RNF216: variants seen among roughly 807,000 people sequenced by gnomAD.
The protein encoded by RNF216 is ring finger protein 216, also known as E3 ubiquitin-protein ligase RNF216.
Under a neutral mutation model 110.8 loss-of-function variants are expected in RNF216, and 72 were observed. That is an observed-to-expected ratio of 0.65 (90% CI 0.54 to 0.79). The LOEUF is 0.79. Ranked by LOEUF, RNF216 falls within the 30% of genes least tolerant of loss-of-function variation. RNF216 has a pLI of 0.00. For missense variants in RNF216, 1,342 were observed against 1,141.2 expected, an observed-to-expected ratio of 1.18 and a Z score of -2.54; for synonymous variants, 495 against 407.5, an observed-to-expected ratio of 1.21 and a Z score of -2.59.
At chr7:5,742,788 GT>G (rs1297271366) in intron 3 of RNF216, among the ~76,000 whole-genome samples, 2 of 151,710 alleles carry the variant, frequency 1.3e-5, no homozygotes, top group Non-Finnish European at 2.9e-5. Context: ...TAGAGACAGG[GT>G]TTTGCCATGT....
chr7:5,691,383 G>C (rs776665537), intron 13 of RNF216, among the ~76,000 whole-genome samples: 2 of 152,164 alleles, frequency 1.3e-5, no homozygotes, highest in Non-Finnish European at 2.9e-5. Context: ...ATTGCTCCTG[G>C]CTGGATTGCT....
intron 13 of RNF216, among the ~76,000 whole-genome samples, chr7:5,702,486 T>C (rs1792032374): frequency 6.6e-6 from 1 of 152,144 alleles, no homozygotes; most frequent in Non-Finnish European, 1.5e-5. Context: ...GAATAATCAC[T>C]GAAACAGCAA....
intron 7 of RNF216, among the ~76,000 whole-genome samples, chr7:5,729,126 T>C (rs1793933756): frequency 1.3e-5 from 2 of 152,166 alleles, no homozygotes; most frequent in Non-Finnish European, 2.9e-5. Flanking sequence ...CTGTCCCAAG[T>C]TGGAAAGCAA....
At chr7:5,739,021 T>C (rs998124207) in intron 5 of RNF216, among the ~76,000 whole-genome samples, 9 of 152,180 alleles carry the variant, frequency 5.9e-5, no homozygotes, top group Non-Finnish European at 1.0e-4. Context: ...CAAATCCATA[T>C]AGAAAGAAAG....
intron 5 of RNF216, among the ~76,000 whole-genome samples, chr7:5,735,011 C>T (rs1391136788): frequency 1.3e-5 from 2 of 151,188 alleles, no homozygotes; most frequent in African/African-American, 2.4e-5. Context: ...ACTAGCTGGG[C>T]GGTGGGCACC....
chr7:5,718,305 C>T (rs1447923892), intron 9 of RNF216, among the ~76,000 whole-genome samples: 2 of 152,052 alleles, frequency 1.3e-5, no homozygotes, highest in African/African-American at 4.8e-5. Context: ...CCCTTGAACC[C>T]AGGAGTCAGA....
chr7:5,743,484 C>T (rs914273294), intron 3 of RNF216, among the ~76,000 whole-genome samples: 2 of 151,920 alleles, frequency 1.3e-5, no homozygotes, highest in African/African-American at 2.4e-5. Flanking sequence ...CTGACCCCTA[C>T]CAAAAAAAGA....
chr7:5,765,883 G>A (rs1411666696), intron 1 of RNF216, among the ~76,000 whole-genome samples: 2 of 150,032 alleles, frequency 1.3e-5, no homozygotes, highest in African/African-American at 4.9e-5. Flanking sequence ...AACCCGGGAG[G>A]CAGAGGTTGC....
intron 13 of RNF216, among the ~76,000 whole-genome samples, chr7:5,658,060 G>C (rs1425589763): frequency 2.0e-5 from 3 of 152,240 alleles, no homozygotes; most frequent in African/African-American, 7.2e-5. Flanking sequence ...ACACACGGCA[G>C]GGGAGCATGC....
At chr7:5,720,939 G>A (rs981009743) in intron 9 of RNF216, 94 bp downstream of exon 9, 13 of 1,245,930 alleles carry the variant, frequency 1.0e-5, no homozygotes, top group Non-Finnish European at 1.4e-5. Context: ...CTGAAGAAAA[G>A]GGAAATCTTA....
chr7:5,629,919 G>A (rs1786966623), intron 15 of RNF216, among the ~76,000 whole-genome samples: 2 of 151,782 alleles, frequency 1.3e-5, no homozygotes, highest in Admixed American at 6.6e-5. Context: ...GATACTTCTT[G>A]GACTTGGGAT....
rs548798477 is a variant in RNF216, at chr7:5,633,521, G to A, written c.2382+7633C>T. Reference sequence around the variant, plus strand: ...ACCCAGTAGGTTCAGGCTGCAGTGAGCCGAGATCACATCACTGCACTCCAG... The same window carrying A: ...ACCCAGTAGGTTCAGGCTGCAGTGAACCGAGATCACATCACTGCACTCCAG... On this transcript the variant is annotated intron_variant, in intron 15 of 16. Coordinates refer to ENST00000389902, the MANE Select transcript of RNF216 (RefSeq NM_207111.4). Among the ~76,000 whole-genome samples the A allele has an allele frequency of 6.6e-5, 10 of 152,242 alleles. No homozygotes were observed. The South Asian group carries it at 1.4e-3, about 22-fold the overall frequency.
chr7:5,727,457 G>C (rs558036921), intron 7 of RNF216, among the ~76,000 whole-genome samples: 3 of 152,272 alleles, frequency 2.0e-5, no homozygotes, highest in African/African-American at 7.2e-5. Context: ...AATAACATAG[G>C]CTGGGCATGG....
intron 1 of RNF216, among the ~76,000 whole-genome samples, chr7:5,764,647 C>CA (rs5882067): frequency 7.8e-4 from 103 of 132,844 alleles, no homozygotes; most frequent in East Asian, 3.3e-3. Flanking sequence ...GACACCGTCT[C>CA]AAAAAAAAAA....
At chr7:5,662,851 C>G (rs974832144) in intron 13 of RNF216, among the ~76,000 whole-genome samples, 2 of 152,006 alleles carry the variant, frequency 1.3e-5, no homozygotes, top group Non-Finnish European at 2.9e-5. Context: ...TTGTGTAGAG[C>G]TGGCACTTCT....
intron 7 of RNF216, among the ~76,000 whole-genome samples, chr7:5,728,240 G>C (rs1265776092): frequency 6.6e-6 from 1 of 152,050 alleles, no homozygotes; most frequent in East Asian, 1.9e-4. Flanking sequence ...TCTACCTTAG[G>C]TTGCCTCCCG....
chr7:5,731,186 A>C (rs966542401), intron 5 of RNF216, among the ~76,000 whole-genome samples: 12 of 152,266 alleles, frequency 7.9e-5, no homozygotes, highest in African/African-American at 2.9e-4. Context: ...ATGAACAAGT[A>C]AGAAGTGGAA....
At chr7:5,654,726 G>A (rs1337715598) in intron 13 of RNF216, among the ~76,000 whole-genome samples, 2 of 143,646 alleles carry the variant, frequency 1.4e-5, no homozygotes, top group Non-Finnish European at 3.1e-5. Context: ...CTCAATCAAT[G>A]GGCTAGGGTG....
intron 1 of RNF216, among the ~76,000 whole-genome samples, chr7:5,778,774 C>T (rs772835163): frequency 6.6e-5 from 10 of 152,164 alleles, no homozygotes; most frequent in Non-Finnish European, 1.5e-4. Context: ...GACGGAGTCT[C>T]GCTCTGTCAC....
Sources: gnomAD v4.1 joint callset for allele counts (sites outside exome capture counted in the v4.1 genomes callset) on GRCh38, gnomAD v4.1.1 for gene constraint, MANE v1.5 for transcripts, NCBI Gene and HGNC (gene_info 2026-07-23, HGNC 2026-07-21) for gene names.